The following USP3 variants were observed in gnomAD, a reference collection of about 807,000 sequenced individuals.
USP3 encodes ubiquitin specific peptidase 3, also known as ubiquitin carboxyl-terminal hydrolase 3.
In USP3, 20 loss-of-function variants were observed where a neutral mutation model predicts 72.3. The ratio of observed to expected loss-of-function variants is 0.28; its 90% confidence interval spans 0.19 to 0.40. The LOEUF (loss-of-function observed/expected upper bound fraction) is 0.40, where lower values mean the gene tolerates loss of function less well. Ranked by LOEUF, USP3 falls within the 10% of genes least tolerant of loss-of-function variation. The probability of loss-of-function intolerance (pLI) is 1.00; values close to 1 mark genes in which losing one functional copy is unlikely to be tolerated. For synonymous variants in USP3, 222 were observed against 225.3 expected (o/e 0.99, Z 0.13); for missense variants, 479 against 633.9 (o/e 0.76, Z 2.62).
intron 1 of USP3, among the ~76,000 whole-genome samples, chr15:63,532,199 G>T (rs1388256063): frequency 6.6e-6 from 1 of 152,152 alleles, no homozygotes; most frequent in African/African-American, 2.4e-5. Flanking sequence ...TTTCCTAATT[G>T]TAACCTTATG....
chr15:63,547,203 G>A (rs2066342373), intron 3 of USP3, among the ~76,000 whole-genome samples: 1 of 152,108 alleles, frequency 6.6e-6, no homozygotes, highest in South Asian at 2.1e-4. Flanking sequence ...TTGACCTGTG[G>A]AAGCAGCTGT....
At chr15:63,584,830 C>A (rs1012604984) in intron 11 of USP3, among the ~76,000 whole-genome samples, 11 of 152,078 alleles carry the variant, frequency 7.2e-5, no homozygotes, top group Non-Finnish European at 1.5e-4. Flanking sequence ...AAAATCATTG[C>A]CAAATCTAAT....
At chr15:63,509,479 A>G (rs926927672) in intron 1 of USP3, among the ~76,000 whole-genome samples, 5 of 152,156 alleles carry the variant, frequency 3.3e-5, no homozygotes, top group Non-Finnish European at 7.4e-5. Context: ...TGTTATCACA[A>G]TGAATTTGTG....
Position 63,556,681 on chromosome 15 carries a change from C to A in USP3, c.383C>A (p.Ala128Asp). The A allele has an allele frequency of 6.2e-7, 1 of 1,608,102 alleles. No individual in the cohort carries two copies. Among genetic ancestry groups the A allele is most frequent in the East Asian group, 2.2e-5 (1 of 44,846 alleles). Residue 128 changes from alanine to aspartate, a missense_variant, in exon 5 of 15, where the codon GCT (alanine) becomes GAT (aspartate). By Grantham distance (126) the Ala-to-Asp change is moderately radical. Transcript: ENST00000380324. ...TGTTTTAATAGCTCAGCTTTCACAG[C>A]TGACAGGCATAAGAAAAGAAAACTT... ...LQNLENSAFT[A>D]DRHKKRKLLE...
intron 8 of USP3, among the ~76,000 whole-genome samples, chr15:63,566,341 G>A (rs190344799): frequency 5.6e-4 from 83 of 149,002 alleles, no homozygotes; most frequent in East Asian, 2.9e-3. Flanking sequence ...TTTGAGTCTC[G>A]CTTTGTAGCC....
chr15:63,537,197 G>GC (rs1567102036), intron 3 of USP3, 41 bp downstream of exon 3: 2 of 1,592,716 alleles, frequency 1.3e-6, no homozygotes, highest in Non-Finnish European at 1.7e-6. Context: ...CTTACTGTGT[G>GC]CAAGTGTGCT....
intron 1 of USP3, among the ~76,000 whole-genome samples, chr15:63,511,314 G>A (rs2065779001): frequency 8.5e-6 from 1 of 117,472 alleles, no homozygotes. Context: ...GTAACTTAAT[G>A]CTTGACAATT....
chr15:63,521,699 C>G (rs1344484635), intron 1 of USP3, among the ~76,000 whole-genome samples: 2 of 152,192 alleles, frequency 1.3e-5, no homozygotes, highest in Non-Finnish European at 2.9e-5. Context: ...CTCAGACCAG[C>G]TGTTTCGGAT....
At chr15:63,537,278 A>G in intron 3 of USP3, 122 bp downstream of exon 3, 2 of 1,193,252 alleles carry the variant, frequency 1.7e-6, no homozygotes, top group South Asian at 4.1e-5. Flanking sequence ...AACTGTTAGG[A>G]TTCACGGAGG....
Position 63,588,912 on chromosome 15 carries a change from T to C in USP3, c.1330-32T>C, listed in dbSNP as rs571024535. ...AGAGGTCATCGAGATACTGATGTCA[T>C]TGACCACTGCTCCTTCTTCCTTGTT... On this transcript the variant is annotated intron_variant, in intron 13 of 14. Coordinates refer to ENST00000380324, the MANE Select transcript of USP3 (RefSeq NM_006537.4). This position sits in a 1 kb window ranked among gnomAD's most constrained non-coding sequence, Gnocchi z 4.6. The C allele has an allele frequency of 9.3e-6, 15 of 1,613,802 alleles. No individual in the cohort carries two copies. Among genetic ancestry groups the C allele is most frequent in the South Asian group, 5.5e-5 (5 of 91,082 alleles).
At chr15:63,548,342 G>T (rs932694810) in intron 3 of USP3, among the ~76,000 whole-genome samples, 3 of 151,016 alleles carry the variant, frequency 2.0e-5, no homozygotes, top group African/African-American at 7.3e-5. Context: ...TTTTTTTGGG[G>T]GGGGACAGAG....
At chr15:63,558,971 T>C (rs557545472) in intron 6 of USP3, among the ~76,000 whole-genome samples, 69 of 152,340 alleles carry the variant, frequency 4.5e-4, no homozygotes, top group African/African-American at 1.7e-3. Flanking sequence ...AGATTTGGCC[T>C]GTGGGCTACA....
Position 63,544,677 on chromosome 15 carries a change from T to A in USP3, c.284+7521T>A, listed in dbSNP as rs1031092739. 7 of 701,488 alleles carry A rather than the reference T, an allele frequency of 1.0e-5. No individual in the cohort carries two copies. The highest frequency in any genetic ancestry group is 1.7e-5 in the African/African-American group (1 of 57,206). The allele number at this position is 701,488 out of a possible 1,614,324, so 43.5% of individuals were successfully genotyped here. On this transcript the variant is annotated intron_variant, in intron 3 of 14. Transcript: ENST00000380324. The surrounding 1 kb of genome is among the most constrained non-coding windows in gnomAD (Gnocchi z 4.2). ...AAGATGGAGATGACCGAATGAGGAA[T>A]ATTGTTTTGCCATTAAATAAGTGAA...
chr15:63,584,894 T>G (rs765534916), intron 11 of USP3, among the ~76,000 whole-genome samples: 2 of 152,202 alleles, frequency 1.3e-5, no homozygotes, highest in African/African-American at 4.8e-5. Context: ...GTTTTAAGAC[T>G]TATGTTTAAG....
Position 63,532,662 on chromosome 15 carries a change from A to G in USP3, c.107A>G (p.Lys36Arg), listed in dbSNP as rs1367493682. 4.3e-6 allele frequency: 7 copies of G among 1,613,932 alleles called. No individual in the cohort carries two copies. The highest frequency in any genetic ancestry group is 5.9e-6 in the Non-Finnish European group (7 of 1,179,968). Reference protein sequence around the residue: ...SWCCSVCRSNKSPWVCLTCSS... With the variant: ...SWCCSVCRSNRSPWVCLTCSS... Reference sequence around the variant, plus strand: ...TTTTTATTAGTGTGCCGGTCCAACAAAAGCCCTTGGGTCTGTTTGACTTGT... The same window carrying G: ...TTTTTATTAGTGTGCCGGTCCAACAGAAGCCCTTGGGTCTGTTTGACTTGT... The change falls in exon 2 of 15, where the codon AAA becomes AGA. Residue 36 changes from lysine to arginine, a missense_variant. Coordinates refer to ENST00000380324, the MANE Select transcript of USP3 (RefSeq NM_006537.4).
intron 5 of USP3, among the ~76,000 whole-genome samples, chr15:63,557,160 TCC>T (rs2066524851): frequency 1.3e-5 from 2 of 152,306 alleles, no homozygotes; most frequent in South Asian, 4.2e-4. Context: ...AACCTCTGCC[TCC>T]CAGGCTGAAG....
intron 11 of USP3, among the ~76,000 whole-genome samples, chr15:63,584,216 G>C (rs1471204817): frequency 6.8e-6 from 1 of 147,792 alleles, no homozygotes; most frequent in African/African-American, 2.5e-5. Flanking sequence ...TCCTGCCTCA[G>C]CCTCCCTAGT....
chr15:63,519,572 A>G (rs2071340439), intron 1 of USP3, among the ~76,000 whole-genome samples: 1 of 152,146 alleles, frequency 6.6e-6, no homozygotes. Context: ...TTAAGGTAAT[A>G]TTTGGTAGGT....
At chr15:63,518,904 T>C (rs989011405) in intron 1 of USP3, among the ~76,000 whole-genome samples, 19 of 152,140 alleles carry the variant, frequency 1.2e-4, no homozygotes, top group Admixed American at 7.9e-4. Context: ...TAGCTGGGAC[T>C]ACTGGCACTC....
Sources: gnomAD v4.1 joint callset for allele counts (sites outside exome capture counted in the v4.1 genomes callset) on GRCh38, gnomAD v4.1.1 for gene constraint, Gnocchi (gnomAD v3.1) non-coding constraint, MANE v1.5 for transcripts, NCBI Gene and HGNC (gene_info 2026-07-23, HGNC 2026-07-21) for gene names.